C1QTNF8: variants seen among roughly 807,000 people sequenced by gnomAD.
C1QTNF8 encodes complement C1q tumor necrosis factor-related protein 8.
In C1QTNF8, 27 loss-of-function variants were observed where a neutral mutation model predicts 19.2. That is an observed-to-expected ratio of 1.41 (90% CI 1.04 to 1.94). The LOEUF is 1.94. Ranked by LOEUF, C1QTNF8 falls within the 30% of genes most tolerant of loss-of-function variation. The probability of loss-of-function intolerance (pLI) is 0.00; values close to 1 mark genes in which losing one functional copy is unlikely to be tolerated. For missense variants in C1QTNF8, 484 were observed against 374.4 expected (o/e 1.29, Z -2.42); for synonymous variants, 208 against 172.8 (o/e 1.20, Z -1.60).
At chr16:1,090,929 C>T (rs939121020) in intron 4 of C1QTNF8, among the ~76,000 whole-genome samples, 4 of 152,222 alleles carry the variant, frequency 2.6e-5, no homozygotes, top group African/African-American at 9.6e-5. Context: ...TGCCCTCCTA[C>T]CTCCCTCCTC....
intron 1 of C1QTNF8, 115 bp downstream of exon 1, chr16:1,096,041 A>T (rs1017585486): frequency 3.9e-5 from 6 of 152,392 alleles, no homozygotes; most frequent in Non-Finnish European, 1.5e-5. Context: ...TCAGGGCTGG[A>T]TCATGCTCCG....
Position 1,089,600 on chromosome 16 carries a change from T to A in C1QTNF8, c.*999A>T, listed in dbSNP as rs980547022. On this transcript the variant is annotated 3_prime_UTR_variant, in exon 5 of 5. Transcript: ENST00000328449. Reference sequence around the variant, plus strand: ...GGGCGGGACGTGGCTGCAGCCTGGCTCTGCCTGCGTGGCACTGGGTGTCCT... The same window carrying A: ...GGGCGGGACGTGGCTGCAGCCTGGCACTGCCTGCGTGGCACTGGGTGTCCT... 2.0e-5 allele frequency among the ~76,000 whole-genome samples: 3 copies of A among 152,148 alleles called. No homozygotes were observed. Among genetic ancestry groups the A allele is most frequent in the Admixed American group, 2.0e-4 (3 of 15,284 alleles).
chr16:1,093,300 G>A (rs1960596735), intron 4 of C1QTNF8, among the ~76,000 whole-genome samples, 197 bp downstream of exon 4: 1 of 141,644 alleles, frequency 7.1e-6, no homozygotes, highest in East Asian at 1.9e-4. Context: ...CACAGTCGGC[G>A]CTCAACCAAT....
In C1QTNF8 at chr16:1,093,487, G is replaced by C; in HGVS notation, c.*4+10C>G. ...GCGCGCGCCCGGTGCTCAGCCGCGG[G>C]GCCCCTCACCCGGCTACAGCTCGGC... On this transcript the variant is annotated intron_variant, in intron 4 of 4. Transcript: ENST00000328449. 1 of 1,496,176 alleles carries C rather than the reference G, an allele frequency of 6.7e-7. No individual in the cohort carries two copies. The highest frequency in any genetic ancestry group is 8.9e-7 in the Non-Finnish European group (1 of 1,123,526). The allele number at this position is 1,496,176 out of a possible 1,614,324, so 92.7% of individuals were successfully genotyped here. A position where few individuals can be genotyped will look rare whatever the true frequency, so the allele number is the denominator to read the frequency against.
chr16:1,093,188 G>A (rs1466960635), intron 4 of C1QTNF8, among the ~76,000 whole-genome samples: 2 of 145,660 alleles, frequency 1.4e-5, no homozygotes, highest in African/African-American at 5.2e-5. Context: ...CACAGTCGGC[G>A]CTCAACCAAT....
Position 1,093,682 on chromosome 16 carries a change from T to C in C1QTNF8, c.578A>G (p.Tyr193Cys). The change falls in exon 4 of 5, where the codon TAC (tyrosine) becomes TGC (cysteine). Residue 193 changes from tyrosine (Y) to cysteine (C), a missense_variant. Transcript: ENST00000328449. ...GACGCTGCGCTCGCTGGGCTGCGCGTAGAGCACGGCCGCGGGCCGCCGGTT... is the reference window on the plus strand; with the variant it reads ...GACGCTGCGCTCGCTGGGCTGCGCGCAGAGCACGGCCGCGGGCCGCCGGTT... The part of the protein sequence containing the change: ...MLNRRPAAVL[Y>C]AQPSERSVMQ... 4.3e-6 allele frequency: 7 copies of C among 1,610,608 alleles called. No homozygotes were observed. Among genetic ancestry groups the C allele is most frequent in the Non-Finnish European group, 5.9e-6 (7 of 1,178,730 alleles).
At chr16:1,093,343 GCA>G (rs1358244715) in intron 4 of C1QTNF8, among the ~76,000 whole-genome samples, 152 bp downstream of exon 4, 1 of 149,856 alleles carries the variant, frequency 6.7e-6, no homozygotes, top group Non-Finnish European at 1.5e-5. Context: ...ACAAATCACT[GCA>G]CACAGTCGGC....
At chr16:1,094,098 G>A in intron 3 of C1QTNF8, 47 bp from the exon 4 acceptor site, 1 of 1,364,168 alleles carries the variant, frequency 7.3e-7, no homozygotes, top group Non-Finnish European at 9.4e-7. Flanking sequence ...GGCTGGGCAG[G>A]CCTCCCCCAT....
chr16:1,092,430 G>A (rs571612899), intron 4 of C1QTNF8, among the ~76,000 whole-genome samples: 3 of 148,694 alleles, frequency 2.0e-5, no homozygotes, highest in East Asian at 2.0e-4. Context: ...CACACAGTCG[G>A]CACTCAACCA....
rs111804630 is a variant in C1QTNF8, at chr16:1,088,934, G to A, written c.*1665C>T. Among the ~76,000 whole-genome samples, 36 of 152,282 alleles carry A rather than the reference G, an allele frequency of 2.4e-4. 1 individual carries two copies. Among genetic ancestry groups the A allele is most frequent in the East Asian group, 2.1e-3 (11 of 5,174 alleles). On this transcript the variant is annotated 3_prime_UTR_variant, in exon 5 of 5. Transcript: ENST00000328449. The stretch of plus-strand genomic sequence containing the variant: ...CTGGCTTCGGGGCTGCTGTGGTCAC[G>A]TCTGGGTCCTTGGCTGGGCCTGGTG...
At position 1,094,736 on chromosome 16, in the gene C1QTNF8, T is replaced by C. The variant is rs1284091959; in HGVS notation, c.187A>G (p.Ile63Val). 6 of 1,580,584 alleles carry C rather than the reference T, an allele frequency of 3.8e-6. No individual in the cohort carries two copies. Among genetic ancestry groups the C allele is most frequent in the African/African-American group, 1.4e-5 (1 of 72,366 alleles). Reference protein sequence around the residue: ...WRGLPRVRPTIDIEILKGEKG... With the variant: ...WRGLPRVRPTVDIEILKGEKG... ...TCACCTTTGAGGATTTCGATGTCTA[T>C]AGTGGGCCGTACTCGAGGCAGCCCC... Residue 63 changes from isoleucine (I) to valine (V), a missense_variant, in exon 3 of 5, where the codon ATA (isoleucine) becomes GTA (valine). By Grantham distance (29) the Ile-to-Val change is conservative. Transcript: ENST00000328449.
chr16:1,094,381 C>T (rs1448098160), intron 3 of C1QTNF8, among the ~76,000 whole-genome samples: 2 of 152,122 alleles, frequency 1.3e-5, no homozygotes, highest in Admixed American at 1.3e-4. Context: ...GTACAGCCTT[C>T]GGGACAGCGC....
Position 1,093,496 on chromosome 16 carries a change from C to G in C1QTNF8, c.*4+1G>C, listed in dbSNP as rs150337362. 4 of 1,518,800 alleles carry G rather than the reference C, an allele frequency of 2.6e-6. No individual in the cohort carries two copies. The highest frequency in any genetic ancestry group is 4.2e-5 in the Admixed American group (2 of 48,024). 94.1% of individuals were successfully genotyped at this position (1,518,800 alleles called of 1,614,324 possible). A position where few individuals can be genotyped will look rare whatever the true frequency, so the allele number is the denominator to read the frequency against. ...CGGTGCTCAGCCGCGGGGCCCCTCA[C>G]CCGGCTACAGCTCGGCGGCCGGCTT... On this transcript the variant is annotated splice_donor_variant, in intron 4 of 4. Transcript: ENST00000328449. LOFTEE classifies it low-confidence loss of function (3UTR_SPLICE).
chr16:1,088,585 G>T lies in C1QTNF8; in HGVS notation c.*2014C>A, dbSNP rs570105790. On this transcript the variant is annotated 3_prime_UTR_variant, in exon 5 of 5. Coordinates refer to ENST00000328449, the MANE Select transcript of C1QTNF8 (RefSeq NM_207419.3). ...TATCACTTGGCAGAGAATCGTGACCGTATCTTATCTCACTTTCAGTTCTCA... is the reference window on the plus strand; with the variant it reads ...TATCACTTGGCAGAGAATCGTGACCTTATCTTATCTCACTTTCAGTTCTCA... 6.6e-6 allele frequency among the ~76,000 whole-genome samples: 1 copy of T among 152,158 alleles called. No homozygotes were observed. Among genetic ancestry groups the T allele is most frequent in the African/African-American group, 2.4e-5 (1 of 41,418 alleles).
intron 3 of C1QTNF8, chr16:1,094,505 C>T: frequency 2.0e-6 from 1 of 500,506 alleles, no homozygotes; most frequent in Non-Finnish European, 3.5e-6. Context: ...CTCAGCACCC[C>T]ACTTTGGTTC....
chr16:1,092,858 T>C (rs150551283), intron 4 of C1QTNF8, among the ~76,000 whole-genome samples: 60 of 10,352 alleles, frequency 5.8e-3, no homozygotes, highest in African/African-American at 0.01. Flanking sequence ...CGGCGCTCAA[T>C]CAATCCCTGC....
Position 1,093,889 on chromosome 16 carries a change from C to A in C1QTNF8, c.371G>T (p.Arg124Leu). 3.2e-6 allele frequency: 5 copies of A among 1,567,566 alleles called. No individual in the cohort carries two copies. Among genetic ancestry groups the A allele is most frequent in the Non-Finnish European group, 4.3e-6 (5 of 1,165,460 alleles). Residue 124 changes from arginine to leucine, a missense_variant, in exon 4 of 5, where the codon CGC becomes CTC. Transcript: ENST00000328449. ...RAYAAFSVGRREGLHSSDHFQ... is the reference protein window; with the variant it reads ...RAYAAFSVGRLEGLHSSDHFQ... ...GTGGTCGGAGCTGTGCAGGCCCTCG[C>A]GCCGGCCCACGGAGAAGGCGGCGTA...
At chr16:1,094,988 C>A (rs1278157141) in intron 2 of C1QTNF8, 55 bp from the exon 3 acceptor site, 2 of 799,738 alleles carry the variant, frequency 2.5e-6, no homozygotes, top group African/African-American at 3.6e-5. Flanking sequence ...AGCTGGAGCC[C>A]CCAGACCCTA....
At chr16:1,091,462 C>A (rs1276708910) in intron 4 of C1QTNF8, among the ~76,000 whole-genome samples, 1 of 152,104 alleles carries the variant, frequency 6.6e-6, no homozygotes, top group African/African-American at 2.4e-5. Context: ...GTTCCAGAGA[C>A]AAGTGAGCAC....
Sources: gnomAD v4.1 joint callset for allele counts (sites outside exome capture counted in the v4.1 genomes callset) on GRCh38, gnomAD v4.1.1 for gene constraint, MANE v1.5 for transcripts, NCBI Gene and HGNC (gene_info 2026-07-23, HGNC 2026-07-21) for gene names.